ATP6V1H: variants seen among roughly 807,000 people sequenced by gnomAD.
ATP6V1H encodes ATPase H+ transporting V1 subunit H.
ATP6V1H carries 39 observed loss-of-function variants against 71.7 expected under a neutral mutation model. The ratio of observed to expected loss-of-function variants is 0.54; its 90% CI spans 0.42 to 0.71. The LOEUF is 0.71. Among genes scored for constraint, ATP6V1H ranks in the 30% least tolerant of loss-of-function variants. The pLI is 0.00. For missense variants in ATP6V1H, 509 were observed against 594.9 expected (o/e 0.86, Z 1.50); for synonymous variants, 192 against 199.3 (o/e 0.96, Z 0.31).
chr8:53,823,146 T>C (rs1037933949), intron 4 of ATP6V1H, among the ~76,000 whole-genome samples: 1 of 152,028 alleles, frequency 6.6e-6, no homozygotes, highest in African/African-American at 2.4e-5. Flanking sequence ...ATCAATAAAG[T>C]AGATCTGATA....
chr8:53,716,558 C>CTACT (rs1806432193), intron 13 of ATP6V1H, among the ~76,000 whole-genome samples: 1 of 152,188 alleles, frequency 6.6e-6, no homozygotes, highest in South Asian at 2.1e-4. Context: ...CCATCAGGAG[C>CTACT]TACTGGTCTG....
intron 10 of ATP6V1H, 104 bp downstream of exon 10, chr8:53,771,885 T>C: frequency 9.6e-7 from 1 of 1,037,874 alleles, no homozygotes; most frequent in Non-Finnish European, 1.4e-6. Context: ...GTGGACTCTC[T>C]TGATTTGTAT....
intron 7 of ATP6V1H, among the ~76,000 whole-genome samples, chr8:53,806,016 A>T (rs1810064713): frequency 6.6e-6 from 1 of 152,208 alleles, no homozygotes; most frequent in Admixed American, 6.5e-5. Flanking sequence ...TATGAGGTAT[A>T]CATTTATCTC....
intron 9 of ATP6V1H, 149 bp from the exon 10 acceptor site, chr8:53,772,316 T>C: frequency 1.6e-6 from 1 of 639,336 alleles, no homozygotes; most frequent in African/African-American, 1.8e-5. Context: ...CTCAAATCCT[T>C]ACTTCGCTCC....
intron 13 of ATP6V1H, among the ~76,000 whole-genome samples, chr8:53,729,294 A>G (rs899199189): frequency 2.6e-5 from 4 of 152,220 alleles, no homozygotes; most frequent in African/African-American, 9.6e-5. Context: ...AGAAAATATG[A>G]AACAGGTTCA....
At chr8:53,772,562 G>A (rs1808702251) in intron 9 of ATP6V1H, among the ~76,000 whole-genome samples, 1 of 151,966 alleles carries the variant, frequency 6.6e-6, no homozygotes, top group Non-Finnish European at 1.5e-5. Flanking sequence ...ATCAAGCCAA[G>A]TTCTCCAGTT....
chr8:53,734,220 C>T (rs1367543552), intron 13 of ATP6V1H, among the ~76,000 whole-genome samples: 1 of 152,220 alleles, frequency 6.6e-6, no homozygotes. Context: ...TGAACCCCAA[C>T]ACCTTGCTCT....
At chr8:53,833,240 A>C (rs2130530305) in intron 2 of ATP6V1H, 154 bp from the exon 3 acceptor site, 1 of 582,800 alleles carries the variant, frequency 1.7e-6, no homozygotes, top group South Asian at 2.1e-5. Flanking sequence ...TTCAATGCTT[A>C]GTTTCTCCAC....
At chr8:53,784,559 T>A (rs1190135206) in intron 9 of ATP6V1H, among the ~76,000 whole-genome samples, 2 of 152,234 alleles carry the variant, frequency 1.3e-5, no homozygotes, top group Non-Finnish European at 2.9e-5. Context: ...TATTGTTATG[T>A]GTGAATTTGA....
Position 53,840,430 on chromosome 8 carries a change from G to A in ATP6V1H, c.113+1148C>T, listed in dbSNP as rs192620219. Among the ~76,000 whole-genome samples, 345 of 151,996 alleles carry A rather than the reference G, an allele frequency of 2.3e-3. 2 individuals carry two copies. Among genetic ancestry groups the A allele is most frequent in the African/African-American group, 7.7e-3 (319 of 41,444 alleles). On this transcript the variant is annotated intron_variant, in intron 2 of 13. Coordinates refer to ENST00000359530, the MANE Select transcript of ATP6V1H (RefSeq NM_015941.4). ...GGAGAACTGCTTGAACCCGGGAGGC[G>A]GAGGATGCAGTGAGCCAAGACTGCC...
intron 9 of ATP6V1H, among the ~76,000 whole-genome samples, chr8:53,773,572 A>G (rs1191224691): frequency 1.3e-5 from 2 of 152,238 alleles, no homozygotes; most frequent in African/African-American, 4.8e-5. Context: ...AAGAAGCCAC[A>G]GAAAAGCCAA....
intron 11 of ATP6V1H, among the ~76,000 whole-genome samples, chr8:53,766,428 T>C (rs1808468524): frequency 6.6e-6 from 1 of 152,192 alleles, no homozygotes; most frequent in African/African-American, 2.4e-5. Context: ...ACTACACAAA[T>C]TGTACAGCAT....
intron 2 of ATP6V1H, chr8:53,839,883 C>T (rs760255163): frequency 3.0e-5 from 30 of 985,556 alleles, no homozygotes; most frequent in Non-Finnish European, 3.6e-5. Flanking sequence ...CAAGTCCAAA[C>T]TCCTTCCAAC....
At chr8:53,746,413 C>T (rs1807605033) in intron 12 of ATP6V1H, among the ~76,000 whole-genome samples, 1 of 151,868 alleles carries the variant, frequency 6.6e-6, no homozygotes, top group African/African-American at 2.4e-5. Flanking sequence ...TACAGGTGCT[C>T]ACCACCACGC....
At chr8:53,736,902 T>G (rs1485893385) in intron 13 of ATP6V1H, among the ~76,000 whole-genome samples, 1 of 152,222 alleles carries the variant, frequency 6.6e-6, no homozygotes, top group Non-Finnish European at 1.5e-5. Flanking sequence ...CCTGGTCTGG[T>G]AGTTAAAAAT....
At chr8:53,776,046 G>A (rs1386203225) in intron 9 of ATP6V1H, among the ~76,000 whole-genome samples, 1 of 152,242 alleles carries the variant, frequency 6.6e-6, no homozygotes, top group Admixed American at 6.5e-5. Flanking sequence ...CTGCCCCGCG[G>A]GAAGGCAGCT....
intron 6 of ATP6V1H, among the ~76,000 whole-genome samples, chr8:53,814,217 G>C (rs947125890): frequency 6.6e-6 from 1 of 152,148 alleles, no homozygotes; most frequent in South Asian, 2.1e-4. Flanking sequence ...CACAAATCTT[G>C]GTGGTTCACA....
At chr8:53,767,846 A>G (rs1307785222) in intron 11 of ATP6V1H, among the ~76,000 whole-genome samples, 1 of 152,266 alleles carries the variant, frequency 6.6e-6, no homozygotes, top group Non-Finnish European at 1.5e-5. Context: ...AAATGTAAGA[A>G]CTAAATCTAT....
chr8:53,811,273 A>G, intron 6 of ATP6V1H, 56 bp from the exon 7 acceptor site: 1 of 1,507,978 alleles, frequency 6.6e-7, no homozygotes. Flanking sequence ...ATCCTAATGT[A>G]TCAGCTTACA....
Sources: allele counts gnomAD v4.1 joint callset (sites outside exome capture counted in the v4.1 genomes callset), GRCh38; gene constraint gnomAD v4.1.1; transcripts MANE v1.5; gene names NCBI Gene and HGNC (gene_info 2026-07-23, HGNC 2026-07-21).